Variants in COL25A1 observed in about 807,000 individuals in gnomAD.
The protein encoded by COL25A1 is collagen alpha-1(XXV) chain.
In COL25A1, 103 loss-of-function variants were observed where a neutral mutation model predicts 128.4. That is an observed-to-expected ratio of 0.80 (90% confidence interval 0.68 to 0.94). The LOEUF (loss-of-function observed/expected upper bound fraction) is 0.94, where lower values mean the gene tolerates loss of function less well. COL25A1 is among the 40% of genes least tolerant of loss of function. COL25A1 has a pLI of 0.00. For missense variants in COL25A1, 745 were observed against 840.0 expected, an observed-to-expected ratio of 0.89 and a Z score of 1.40; for synonymous variants, 279 against 277.2, an observed-to-expected ratio of 1.01 and a Z score of -0.06.
intron 3 of COL25A1, among the ~76,000 whole-genome samples, chr4:109,125,512 C>T (rs748214301): frequency 5.9e-5 from 9 of 152,176 alleles, no homozygotes; most frequent in Non-Finnish European, 1.2e-4. Flanking sequence ...AACTTTAATA[C>T]ATCTTCTTAA....
intron 3 of COL25A1, among the ~76,000 whole-genome samples, chr4:109,135,914 T>C (rs896057333): frequency 2.6e-5 from 4 of 152,210 alleles, no homozygotes; most frequent in African/African-American, 9.6e-5. Context: ...GTACAGACTA[T>C]ACGCAGCCTA....
intron 3 of COL25A1, among the ~76,000 whole-genome samples, chr4:109,097,702 C>T (rs369027142): frequency 2.1e-5 from 3 of 139,696 alleles, no homozygotes; most frequent in South Asian, 2.3e-4. Flanking sequence ...CTTGCACTGT[C>T]GCCCAGGCTG....
chr4:108,913,261 C>CTTTTTTTTT (rs201929872), intron 13 of COL25A1, among the ~76,000 whole-genome samples: 10 of 92,396 alleles, frequency 1.1e-4, no homozygotes, highest in Non-Finnish European at 1.5e-4. Flanking sequence ...TCTCTAGCTC[C>CTTTTTTTTT]TTTTTTTTTT....
At chr4:109,115,606 TTAAAA>T (rs1337877755) in intron 3 of COL25A1, among the ~76,000 whole-genome samples, 1 of 152,054 alleles carries the variant, frequency 6.6e-6, no homozygotes, top group Non-Finnish European at 1.5e-5. Context: ...GCAAAGATGA[TTAAAA>T]CCACAGGAAG....
Position 108,940,538 on chromosome 4 carries a change from C to T in COL25A1, c.672+1G>A, listed in dbSNP as rs759316372. 4.3e-6 allele frequency: 7 copies of T among 1,612,624 alleles called. No individual in the cohort carries two copies. Among genetic ancestry groups the T allele is most frequent in the South Asian group, 2.2e-5 (2 of 91,048 alleles). ...AATAAGTGATCCAAAAAGCGACTCA[C>T]GGGTACTCCTGGCATTCCACGGGGG... On this transcript the variant is annotated splice_donor_variant, in intron 10 of 37. Transcript: ENST00000399132. LOFTEE classifies it high-confidence loss of function.
chr4:109,284,971 A>C (rs1231568732), intron 3 of COL25A1, among the ~76,000 whole-genome samples: 1 of 152,028 alleles, frequency 6.6e-6, no homozygotes, highest in Non-Finnish European at 1.5e-5. Flanking sequence ...GACCAGCAAG[A>C]AAGTTATTAT....
At chr4:109,233,977 A>C (rs1419077129) in intron 3 of COL25A1, among the ~76,000 whole-genome samples, 2 of 152,166 alleles carry the variant, frequency 1.3e-5, no homozygotes, top group Non-Finnish European at 2.9e-5. Context: ...GAATACTTTC[A>C]GCTTCAAATA....
intron 3 of COL25A1, among the ~76,000 whole-genome samples, chr4:109,102,153 T>C (rs1396833241): frequency 1.3e-5 from 2 of 152,154 alleles, no homozygotes; most frequent in Non-Finnish European, 2.9e-5. Context: ...TCAAACATGT[T>C]TGAAACTCAA....
intron 3 of COL25A1, among the ~76,000 whole-genome samples, chr4:109,214,299 G>T (rs1777814845): frequency 6.6e-6 from 1 of 152,014 alleles, no homozygotes; most frequent in African/African-American, 2.4e-5. Flanking sequence ...GCATTAAAAT[G>T]AGGCTCCACT....
intron 20 of COL25A1, among the ~76,000 whole-genome samples, chr4:108,864,417 G>T (rs1040687094): frequency 2.2e-4 from 33 of 152,246 alleles, no homozygotes; most frequent in African/African-American, 7.7e-4. Context: ...AAGTTAGTTA[G>T]GTTTTGTACA....
chr4:109,302,051 C>T lies in COL25A1; in HGVS notation c.-32G>A, dbSNP rs774940598. 12 of 1,556,346 alleles carry T rather than the reference C, an allele frequency of 7.7e-6. No homozygotes were observed. The highest frequency in any genetic ancestry group is 8.6e-6 in the Non-Finnish European group (10 of 1,157,966). Reference sequence around the variant, plus strand: ...GGGGTCGGCCGTCTCGGCTTCGCTTCCCACCCTCTACACCTCAAATAATCC... The same window carrying T: ...GGGGTCGGCCGTCTCGGCTTCGCTTTCCACCCTCTACACCTCAAATAATCC... On this transcript the variant is annotated 5_prime_UTR_variant, in exon 2 of 38. Coordinates refer to ENST00000399132, the MANE Select transcript of COL25A1 (RefSeq NM_198721.4).
At chr4:109,151,752 A>T (rs1362401580) in intron 3 of COL25A1, among the ~76,000 whole-genome samples, 1 of 152,172 alleles carries the variant, frequency 6.6e-6, no homozygotes, top group African/African-American at 2.4e-5. Flanking sequence ...CTCTAAAAAT[A>T]AAGGCTTCCA....
At chr4:109,021,463 T>C (rs1007168905) in intron 5 of COL25A1, among the ~76,000 whole-genome samples, 1 of 152,210 alleles carries the variant, frequency 6.6e-6, no homozygotes, top group East Asian at 1.9e-4. Flanking sequence ...TCCTGTTATC[T>C]CTGTAAGCTG....
rs189598495 is a variant in COL25A1 at position 109,189,253 on chromosome 4, G to A, written c.367+111330C>T. Among the ~76,000 whole-genome samples, 755 of 152,034 alleles carry A rather than the reference G, an allele frequency of 5.0e-3. 2 individuals are homozygous for A. Among genetic ancestry groups the A allele is most frequent in the Non-Finnish European group, 8.1e-3 (548 of 67,976 alleles). On this transcript the variant is annotated intron_variant, in intron 3 of 37. Coordinates refer to ENST00000399132, the MANE Select transcript of COL25A1 (RefSeq NM_198721.4). Reference sequence around the variant, plus strand: ...TGTCAATGAATTTTCTCCTATTTAAGATTTTTCTGGCTGGGTGGGCATGGT... The same window carrying A: ...TGTCAATGAATTTTCTCCTATTTAAAATTTTTCTGGCTGGGTGGGCATGGT...
At chr4:109,110,410 C>T (rs184586915) in intron 3 of COL25A1, among the ~76,000 whole-genome samples, 2 of 152,278 alleles carry the variant, frequency 1.3e-5, no homozygotes, top group African/African-American at 2.4e-5. Flanking sequence ...GTCCCTGGAA[C>T]GTTAGTGTTT....
chr4:108,893,769 T>C (rs757336145), intron 16 of COL25A1, among the ~76,000 whole-genome samples: 1 of 152,096 alleles, frequency 6.6e-6, no homozygotes, highest in African/African-American at 2.4e-5. Flanking sequence ...ACAAAGGCCA[T>C]AAGAAGAGTG....
intron 3 of COL25A1, among the ~76,000 whole-genome samples, chr4:109,113,485 C>T (rs1034222461): frequency 6.6e-6 from 1 of 152,074 alleles, no homozygotes; most frequent in African/African-American, 2.4e-5. Context: ...TACATTTGCT[C>T]TAATTCTCAT....
chr4:108,918,959 G>A (rs775234684), intron 12 of COL25A1, among the ~76,000 whole-genome samples: 24 of 152,138 alleles, frequency 1.6e-4, no homozygotes, highest in Non-Finnish European at 3.4e-4. Flanking sequence ...GACATTTAAC[G>A]GGATATAGAA....
At chr4:108,982,987 T>C (rs1753156562) in intron 6 of COL25A1, among the ~76,000 whole-genome samples, 1 of 152,184 alleles carries the variant, frequency 6.6e-6, no homozygotes, top group South Asian at 2.1e-4. Context: ...GTAAGACTGA[T>C]GTAGCTCAAT....
Sources: gnomAD v4.1 joint callset for allele counts (sites outside exome capture counted in the v4.1 genomes callset) on GRCh38, gnomAD v4.1.1 for gene constraint, MANE v1.5 for transcripts, NCBI Gene and HGNC (gene_info 2026-07-23, HGNC 2026-07-21) for gene names.